The following C1QTNF1 variants were observed in gnomAD, a reference collection of about 807,000 sequenced individuals.
C1QTNF1 encodes C1q and TNF related 1, also known as complement C1q tumor necrosis factor-related protein 1.
In C1QTNF1, 22 loss-of-function variants were observed where a neutral mutation model predicts 27.8. The ratio of observed to expected loss-of-function variants is 0.79; its 90% CI spans 0.56 to 1.13. C1QTNF1 has a LOEUF of 1.13. Among genes scored for constraint, C1QTNF1 ranks in the 50% most tolerant of loss-of-function variants. The pLI, the probability that C1QTNF1 is intolerant of heterozygous loss-of-function variation, is 0.00. For missense variants in C1QTNF1, 373 were observed against 380.2 expected, an observed-to-expected ratio of 0.98 and a Z score of 0.16; for synonymous variants, 166 against 154.3, an observed-to-expected ratio of 1.08 and a Z score of -0.56.
Position 79,048,340 on chromosome 17 carries a change from A to C in C1QTNF1, c.*252A>C. ...GGACCTTCCGCGGCCCTCTCTGCAC[A>C]CATCCTCAAGTGACCCCGCACGGCG... On this transcript the variant is annotated 3_prime_UTR_variant, in exon 4 of 4. Transcript: ENST00000579760. 2.2e-6 allele frequency: 1 copy of C among 454,440 alleles called. No individual in the cohort carries two copies. The highest frequency in any genetic ancestry group is 5.4e-5 in the South Asian group (1 of 18,394). 28.2% of individuals were successfully genotyped at this position (454,440 alleles called of 1,614,324 possible). A position where few individuals can be genotyped will look rare whatever the true frequency, so the allele number is the denominator to read the frequency against.
At position 79,027,083 on chromosome 17, in the gene C1QTNF1, G is replaced by GT. The variant is rs908485218; in HGVS notation, c.-15+2589_-15+2590insT. ...CCTCAGGGGTCCCTGTTCCTGGGCGGGGGGGGGCTGTGGCTGAGGCTCCAG... is the reference window on the plus strand; with the variant it reads ...CCTCAGGGGTCCCTGTTCCTGGGCGGTGGGGGGGCTGTGGCTGAGGCTCCAG... On this transcript the variant is annotated intron_variant, in intron 1 of 3. Transcript: ENST00000579760. Among the ~76,000 whole-genome samples the GT allele has an allele frequency of 3.4e-5, 3 of 88,950 alleles. No individual in the cohort carries two copies. In the East Asian group the frequency reaches 1.7e-3, roughly 49 times the overall value. 58.4% of individuals were successfully genotyped at this position (88,950 alleles called of 152,430 possible). A position where few individuals can be genotyped will look rare whatever the true frequency, so the allele number is the denominator to read the frequency against.
At chr17:79,031,371 C>T (rs954619806) in intron 1 of C1QTNF1, among the ~76,000 whole-genome samples, 5 of 152,160 alleles carry the variant, frequency 3.3e-5, no homozygotes, top group Non-Finnish European at 7.4e-5. Context: ...CCCATCCCTC[C>T]CTATTGCTGA....
chr17:79,036,128 GTTCTA>G (rs2072259518), intron 1 of C1QTNF1, among the ~76,000 whole-genome samples: 1 of 152,250 alleles, frequency 6.6e-6, no homozygotes, highest in Non-Finnish European at 1.5e-5. Context: ...TGATTGAAAT[GTTCTA>G]TTCTATACTT....
chr17:79,042,457 G>C (rs1299945582), intron 1 of C1QTNF1, among the ~76,000 whole-genome samples: 1 of 152,234 alleles, frequency 6.6e-6, no homozygotes, highest in Non-Finnish European at 1.5e-5. Context: ...GAGACGTGGG[G>C]TTGGCTTCCT....
At chr17:79,030,319 TTGTG>T (rs142110810) in intron 1 of C1QTNF1, among the ~76,000 whole-genome samples, 169 of 147,894 alleles carry the variant, frequency 1.1e-3, no homozygotes, top group East Asian at 8.9e-3. Flanking sequence ...CTTTGTGGTT[TTGTG>T]TGTGTGTGTG....
chr17:79,043,734 CGT>C (rs200480921), intron 1 of C1QTNF1: 1 of 652,144 alleles, frequency 1.5e-6, no homozygotes, highest in South Asian at 1.5e-5. Context: ...TGTGCATGTG[CGT>C]GTGTGCACGT....
intron 2 of C1QTNF1, among the ~76,000 whole-genome samples, chr17:79,044,668 C>T (rs1330295578): frequency 2.0e-5 from 3 of 152,162 alleles, no homozygotes; most frequent in East Asian, 1.9e-4. Flanking sequence ...TTCGTGTCTA[C>T]GACCTGCAAT....
In C1QTNF1 at chr17:79,048,001, C is replaced by G; in HGVS notation, c.759C>G (p.Gly253=). ...QDQVWVRLYK[G]ERENAIFSEE... ...AGGTGTGGGTACGCCTCTACAAGGG[C>G]GAACGTGAGAACGCCATCTTCAGCG... The change falls in exon 4 of 4, where the codon GGC becomes GGG. Residue 253 remains glycine (G), a synonymous_variant. Coordinates refer to ENST00000579760, the MANE Select transcript of C1QTNF1 (RefSeq NM_030968.5). 6.2e-7 allele frequency: 1 copy of G among 1,611,296 alleles called. No homozygotes were observed. The highest frequency in any genetic ancestry group is 1.3e-5 in the African/African-American group (1 of 75,030).
chr17:79,024,609 G>C (rs1266719570), intron 1 of C1QTNF1, 115 bp downstream of exon 1: 1 of 152,282 alleles, frequency 6.6e-6, no homozygotes, highest in Admixed American at 6.5e-5. Flanking sequence ...AGAGCGCCGT[G>C]GGAGGGGCCG....
At chr17:79,025,467 C>T (rs1271775273) in intron 1 of C1QTNF1, among the ~76,000 whole-genome samples, 1 of 152,184 alleles carries the variant, frequency 6.6e-6, no homozygotes, top group African/African-American at 2.4e-5. Context: ...GGCAACATGA[C>T]GTGCTGGGAG....
At chr17:79,036,923 TAAAG>T (rs1203884399) in intron 1 of C1QTNF1, among the ~76,000 whole-genome samples, 1 of 152,116 alleles carries the variant, frequency 6.6e-6, no homozygotes, top group Non-Finnish European at 1.5e-5. Flanking sequence ...TGATGAGGAT[TAAAG>T]AAAAAGGAAA....
chr17:79,037,314 G>C (rs2072286979), intron 1 of C1QTNF1, among the ~76,000 whole-genome samples: 1 of 152,138 alleles, frequency 6.6e-6, no homozygotes. Flanking sequence ...ATTTTTAGTA[G>C]AGCCAGGGTT....
rs115063876 is a variant in C1QTNF1 at position 79,047,379 on chromosome 17, C to A, written c.296-159C>A. ...ATACCTCTGTGCCAGGCTGGGACGC[C>A]GCCCGTGGCAGGGGGCTGGGGGCAG... On this transcript the variant is annotated intron_variant, in intron 3 of 3. Transcript: ENST00000579760. Among the ~76,000 whole-genome samples the A allele has an allele frequency of 1.5e-3, 222 of 152,166 alleles. 3 individuals carry two copies. The highest frequency in any genetic ancestry group is 5.1e-3 in the African/African-American group (211 of 41,524).
intron 1 of C1QTNF1, among the ~76,000 whole-genome samples, chr17:79,040,719 AT>A (rs2072381466): frequency 8.7e-6 from 1 of 114,338 alleles, no homozygotes; most frequent in Non-Finnish European, 1.8e-5. Context: ...CATGGTGAAA[AT>A]TTGTCTCTAC....
At position 79,048,203 on chromosome 17, in the gene C1QTNF1, G is replaced by A. The variant is rs761952122; in HGVS notation, c.*115G>A. 42 of 1,030,230 alleles carry A rather than the reference G, an allele frequency of 4.1e-5. No individual in the cohort carries two copies. The highest frequency in any genetic ancestry group is 2.4e-4 in the East Asian group (9 of 37,342). 63.8% of individuals were successfully genotyped at this position (1,030,230 alleles called of 1,614,324 possible). ...CCCTGGCTTTGGCATTCAGTGAGAC[G>A]CCCTGCACACACAGAAAGCCAAAGC... On this transcript the variant is annotated 3_prime_UTR_variant, in exon 4 of 4. Coordinates refer to ENST00000579760, the MANE Select transcript of C1QTNF1 (RefSeq NM_030968.5).
Position 79,046,634 on chromosome 17 carries a change from C to A in C1QTNF1, c.235C>A (p.Pro79Thr), listed in dbSNP as rs372698196. The A allele has an allele frequency of 3.1e-6, 5 of 1,614,120 alleles. No homozygotes were observed. In the African/African-American group the frequency reaches 6.7e-5, roughly 22 times the overall value. ...TTCCCGGTGCTTGCGCTGCTGTGACCCCGGTACCTCCATGTACCCGGCGAC... is the reference window on the plus strand; with the variant it reads ...TTCCCGGTGCTTGCGCTGCTGTGACACCGGTACCTCCATGTACCCGGCGAC... ...PASRCLRCCD[P>T]GTSMYPATAV... The change falls in exon 3 of 4, where the codon CCC (proline) becomes ACC (threonine). Residue 79 changes from proline to threonine, a missense_variant. By Grantham distance (38) the Pro-to-Thr change is conservative. Coordinates refer to ENST00000579760, the MANE Select transcript of C1QTNF1 (RefSeq NM_030968.5). This position sits in a 1 kb window ranked among gnomAD's most constrained non-coding sequence, Gnocchi z 4.8.
At chr17:79,040,202 A>G (rs1325085678) in intron 1 of C1QTNF1, among the ~76,000 whole-genome samples, 1 of 152,148 alleles carries the variant, frequency 6.6e-6, no homozygotes, top group Non-Finnish European at 1.5e-5. Context: ...GCGCCCACCT[A>G]TAATCCCAGT....
chr17:79,043,615 G>A, intron 1 of C1QTNF1: 1 of 467,664 alleles, frequency 2.1e-6, no homozygotes, highest in Non-Finnish European at 4.2e-6. Flanking sequence ...TGTGTTGGGT[G>A]CATGTGAATG....
intron 1 of C1QTNF1, chr17:79,043,173 GTGT>G: frequency 2.3e-6 from 1 of 441,702 alleles, no homozygotes; most frequent in African/African-American, 2.3e-5. Context: ...TGGTATATGT[GTGT>G]GAGTGCATGT....
Sources: allele counts gnomAD v4.1 joint callset (sites outside exome capture counted in the v4.1 genomes callset), GRCh38; gene constraint gnomAD v4.1.1; non-coding constraint Gnocchi (gnomAD v3.1); transcripts MANE v1.5; gene names NCBI Gene and HGNC (gene_info 2026-07-23, HGNC 2026-07-21).